The following DDX3X variants were observed in gnomAD, a reference collection of about 807,000 sequenced individuals.
DDX3X encodes the protein ATP-dependent RNA helicase DDX3X.
In DDX3X, 4 loss-of-function variants were observed where a neutral mutation model predicts 52.7. The observed-to-expected ratio is 0.08, with a 90% CI of 0.04 to 0.17. The LOEUF (loss-of-function observed/expected upper bound fraction) is 0.17. Among genes scored for constraint, DDX3X ranks in the 10% least tolerant of loss-of-function variants. The pLI is 1.00. For missense variants in DDX3X, 222 were observed against 548.6 expected, an observed-to-expected ratio of 0.40 and a Z score of 5.95; for synonymous variants, 192 against 178.1, an observed-to-expected ratio of 1.08 and a Z score of -0.62.
chrX:41,364,382 T>C, exon 6 of DDX3X: 1 of 297,245 alleles, frequency 3.4e-6, no homozygotes, highest in Non-Finnish European at 5.9e-6. Flanking sequence ...TACATGCAGA[T>C]GACATGGTGA....
intron 5 of DDX3X, among the ~76,000 whole-genome samples, chrX:41,359,988 T>A (rs1014631059): frequency 2.2e-4 from 23 of 105,887 alleles, no homozygotes; most frequent in African/African-American, 3.8e-4. Flanking sequence ...TCTCAAAAAA[T>A]AATAATAATA....
At chrX:41,342,884 T>C in intron 6 of DDX3X, 48 bp downstream of exon 6, 1 of 1,014,979 alleles carries the variant, frequency 9.9e-7, no homozygotes, top group Non-Finnish European at 1.4e-6. Context: ...GTTAAATGTT[T>C]TCATGTTACA....
chrX:41,362,556 C>A (rs1427594815), intron 5 of DDX3X, among the ~76,000 whole-genome samples: 1 of 111,959 alleles, frequency 8.9e-6, no homozygotes, highest in African/African-American at 3.2e-5. Context: ...CAAGTTCATC[C>A]TTTCTGCTGG....
chrX:41,337,997 C>T (rs1354498701), intron 2 of DDX3X: 1 of 111,723 alleles, frequency 9.0e-6, no homozygotes, highest in African/African-American at 3.3e-5. Context: ...GTTATAGCTA[C>T]TCCTTTCTCC....
intron 5 of DDX3X, 37 bp from the exon 6 acceptor site, chrX:41,342,700 A>G: frequency 8.3e-7 from 1 of 1,207,863 alleles, no homozygotes; most frequent in Non-Finnish European, 1.1e-6. Flanking sequence ...CTTACTAGCT[A>G]GTATAACAAA....
chrX:41,346,729 T>G (rs2063930492), intron 14 of DDX3X, 107 bp downstream of exon 14: 27 of 952,820 alleles, frequency 2.8e-5, no homozygotes, highest in Non-Finnish European at 3.8e-5. Context: ...GTGACAAAGA[T>G]TTTGCTCAAA....
chrX:41,334,553 C>T, intron 1 of DDX3X: 13 of 1,091,948 alleles, frequency 1.2e-5, no homozygotes, highest in Non-Finnish European at 1.4e-5. Context: ...CGCAGGCGGG[C>T]GGAGGGGGAG....
chrX:41,354,606 G>A (rs2064001280), downstream of DDX3X, among the ~76,000 whole-genome samples: 1 of 109,485 alleles, frequency 9.1e-6, no homozygotes. Context: ...TTACATGCAT[G>A]AGCCACAGTG....
chrX:41,351,651 A>G (rs1008658880), downstream of DDX3X: 2 of 111,496 alleles, frequency 1.8e-5, no homozygotes, highest in African/African-American at 6.5e-5. Context: ...TTTTAATACA[A>G]TTCTGAGTAT....
At chrX:41,347,123 AATCATC>A in intron 15 of DDX3X, 111 bp downstream of exon 15, 4 of 974,512 alleles carry the variant, frequency 4.1e-6, no homozygotes, top group Non-Finnish European at 4.2e-6. Flanking sequence ...TAAAAAGCTT[AATCATC>A]TTAGGCTTCC....
At chrX:41,353,631 C>T (rs1383218173), downstream of DDX3X, among the ~76,000 whole-genome samples, 9 of 107,063 alleles carry the variant, frequency 8.4e-5, no homozygotes, top group African/African-American at 2.7e-4. Flanking sequence ...ATTAGCTGGG[C>T]GTGGTGGCAA....
downstream of DDX3X, among the ~76,000 whole-genome samples, chrX:41,352,147 C>G (rs1021312919): frequency 4.5e-5 from 5 of 111,493 alleles, no homozygotes; most frequent in Admixed American, 4.8e-4. Context: ...GAGATACTAT[C>G]TCCTCTAGGT....
intron 5 of DDX3X, among the ~76,000 whole-genome samples, chrX:41,359,898 C>T (rs1238202816): frequency 1.8e-5 from 2 of 109,449 alleles, no homozygotes; most frequent in Non-Finnish European, 3.8e-5. Context: ...AGGAGAATGG[C>T]GTGAACCCGG....
intron 4 of DDX3X, chrX:41,342,008 G>GC (rs1196830106): frequency 6.7e-6 from 1 of 148,682 alleles, no homozygotes; most frequent in Non-Finnish European, 1.3e-5. Context: ...CTGATTTTTC[G>GC]CAAACAGGCC....
At chrX:41,340,964 T>C (rs967712540) in intron 3 of DDX3X, 1 of 279,537 alleles carries the variant, frequency 3.6e-6, no homozygotes, top group African/African-American at 2.7e-5. Flanking sequence ...GACTGTCAGA[T>C]TGCTTGATTT....
intron 1 of DDX3X, among the ~76,000 whole-genome samples, chrX:41,337,111 T>G (rs2063782588): frequency 8.9e-6 from 1 of 112,491 alleles, no homozygotes; most frequent in Admixed American, 9.4e-5. Context: ...TGGAACATGT[T>G]AGTGAAAATT....
rs760760849 is a variant in DDX3X, at chrX:41,345,563, TTTTTA to T, written c.1315+23_1315+27del. 7.6e-6 allele frequency: 9 copies of T among 1,185,716 alleles called. No individual in the cohort carries two copies. Among genetic ancestry groups the T allele is most frequent in the Non-Finnish European group, 1.0e-5 (9 of 879,159 alleles). On this transcript the variant is annotated intron_variant, in intron 12 of 16. Transcript: ENST00000644876. ...AAATGCAACAGGTAACATTATGAAT[TTTTTA>T]TTTTATTAGACATGGGGGTTTCTCT... is the stretch of plus-strand genomic sequence containing the variant.
chrX:41,339,012 T>TTATA (rs200292033), intron 2 of DDX3X, 24 bp from the exon 3 acceptor site: 1 of 751,216 alleles, frequency 1.3e-6, no homozygotes. Flanking sequence ...TTAATTAATT[T>TTATA]TATATATATA....
chrX:41,359,930 C>T (rs1357441960), intron 5 of DDX3X, among the ~76,000 whole-genome samples: 9 of 104,082 alleles, frequency 8.6e-5, no homozygotes, highest in African/African-American at 2.5e-4. Flanking sequence ...TGCAGTGAGC[C>T]GAGATCGCGC....
Sources: allele counts gnomAD v4.1 joint callset (sites outside exome capture counted in the v4.1 genomes callset), GRCh38; gene constraint gnomAD v4.1.1; transcripts MANE v1.5; gene names NCBI Gene and HGNC (gene_info 2026-07-23, HGNC 2026-07-21).